Variants in RNMT observed in about 807,000 individuals in gnomAD.
RNMT encodes mRNA cap guanine-N(7) methyltransferase.
Under a neutral mutation model 56.0 loss-of-function variants are expected in RNMT, and 27 were observed. The observed-to-expected ratio is 0.48, with a 90% confidence interval of 0.36 to 0.67. The LOEUF is 0.67. RNMT is among the 30% of genes least tolerant of loss of function. The pLI, the probability that RNMT is intolerant of heterozygous loss-of-function variation, is 0.00. For synonymous variants in RNMT, 184 were observed against 176.2 expected, an observed-to-expected ratio of 1.04 and a Z score of -0.35; for missense variants, 519 against 552.1, an observed-to-expected ratio of 0.94 and a Z score of 0.60.
chr18:13,762,168 A>G lies in RNMT; in HGVS notation c.*2189A>G. ...ATGCAGTTTATCCTCTGAGAATGGA[A>G]TTGGAAATGAAGACCTAACCAGCTA... On this transcript the variant is annotated 3_prime_UTR_variant, in exon 12 of 12. Transcript: ENST00000383314. The G allele has an allele frequency of 1.3e-6, 2 of 1,526,012 alleles. No homozygotes were observed. Among genetic ancestry groups the G allele is most frequent in the Non-Finnish European group, 1.8e-6 (2 of 1,142,254 alleles). The allele number at this position is 1,526,012 out of a possible 1,614,324, so 94.5% of individuals were successfully genotyped here.
Position 13,762,205 on chromosome 18 carries a change from G to A in RNMT, c.*2226G>A. 2 of 1,491,648 alleles carry A rather than the reference G, an allele frequency of 1.3e-6. No homozygotes were observed. 92.4% of individuals were successfully genotyped at this position (1,491,648 alleles called of 1,614,324 possible). On this transcript the variant is annotated 3_prime_UTR_variant, in exon 12 of 12. Coordinates refer to ENST00000383314, the MANE Select transcript of RNMT (RefSeq NM_003799.3). The stretch of plus-strand genomic sequence containing the variant: ...GACCTAACCAGCTATTGGTGGGAAT[G>A]ACGGAACTGGGGATTGCGATGATTG...
chr18:13,727,196 C>T (rs2149076388), intron 1 of RNMT, among the ~76,000 whole-genome samples: 1 of 152,374 alleles, frequency 6.6e-6, no homozygotes, highest in African/African-American at 2.4e-5. Context: ...GGACTTAGAG[C>T]TTATCCCGCT....
At chr18:13,727,498 T>C (rs1193950355) in intron 1 of RNMT, among the ~76,000 whole-genome samples, 1 of 152,236 alleles carries the variant, frequency 6.6e-6, no homozygotes, top group East Asian at 1.9e-4. Context: ...GTTGCACATA[T>C]TTGCAGGTGC....
At chr18:13,734,321 T>G in intron 3 of RNMT, 143 bp from the exon 4 acceptor site, 1 of 657,416 alleles carries the variant, frequency 1.5e-6, no homozygotes, top group Non-Finnish European at 2.5e-6. Flanking sequence ...TGATAATTAG[T>G]GAGACTTCTG....
chr18:13,732,035 T>A (rs1257332954), intron 3 of RNMT, 101 bp downstream of exon 3: 2 of 958,002 alleles, frequency 2.1e-6, no homozygotes, highest in South Asian at 2.0e-5. Flanking sequence ...AGCTTAAGAA[T>A]GTTCTATTTT....
Position 13,760,471 on chromosome 18 carries a change from T to G in RNMT, c.*492T>G. The G allele has an allele frequency of 4.1e-6, 4 of 985,698 alleles. No homozygotes were observed. The highest frequency in any genetic ancestry group is 4.8e-6 in the Non-Finnish European group (4 of 829,762). 61.1% of individuals were successfully genotyped at this position (985,698 alleles called of 1,614,324 possible). A position where few individuals can be genotyped will look rare whatever the true frequency, so the allele number is the denominator to read the frequency against. On this transcript the variant is annotated 3_prime_UTR_variant, in exon 12 of 12. Coordinates refer to ENST00000383314, the MANE Select transcript of RNMT (RefSeq NM_003799.3). ...TGTTCAATATGTATTGCTGAAGTTA[T>G]AAGTTTAAAACTCAATTTCAGATGC...
intron 11 of RNMT, among the ~76,000 whole-genome samples, chr18:13,756,457 A>G (rs1194797152): frequency 2.6e-5 from 4 of 152,052 alleles, no homozygotes; most frequent in African/African-American, 9.7e-5. Flanking sequence ...GGGCTGCACA[A>G]AGGTCACACA....
In RNMT at chr18:13,740,201, G is replaced by T; in HGVS notation, c.714G>T (p.Gln238His). The change falls in exon 6 of 12, where the codon CAG becomes CAT. Residue 238 changes from glutamine (Q) to histidine (H), a missense_variant. Coordinates refer to ENST00000383314, the MANE Select transcript of RNMT (RefSeq NM_003799.3). ...ATGTTTCTGTCAAACAGTGTCAGCA[G>T]CGGTATGAGGACATGAAAAATCGTC... ...IADVSVKQCQ[Q>H]RYEDMKNRRD... 6.2e-7 allele frequency: 1 copy of T among 1,612,910 alleles called. No individual in the cohort carries two copies.
chr18:13,749,525 T>C (rs145993602), intron 9 of RNMT, among the ~76,000 whole-genome samples: 93 of 152,380 alleles, frequency 6.1e-4, no homozygotes, highest in African/African-American at 2.1e-3. Flanking sequence ...CAGATATTCA[T>C]AGATCATTTT....
intron 1 of RNMT, among the ~76,000 whole-genome samples, chr18:13,727,176 G>T (rs1235621260): frequency 2.6e-5 from 4 of 152,250 alleles, no homozygotes; most frequent in Non-Finnish European, 5.9e-5. Context: ...AGGGTCAAGC[G>T]GGCGGGTCGG....
chr18:13,737,236 G>C, intron 5 of RNMT, 101 bp downstream of exon 5: 2 of 1,091,680 alleles, frequency 1.8e-6, no homozygotes, highest in Non-Finnish European at 2.6e-6. Flanking sequence ...CTATGCATGA[G>C]ATGGGTTTTT....
intron 6 of RNMT, 66 bp from the exon 7 acceptor site, chr18:13,741,444 T>TA: frequency 1.9e-6 from 2 of 1,079,848 alleles, no homozygotes; most frequent in Non-Finnish European, 2.7e-6. Flanking sequence ...GAAGTTAATT[T>TA]ACTAAAAAGT....
intron 11 of RNMT, among the ~76,000 whole-genome samples, chr18:13,756,920 C>T (rs1407708893): frequency 6.6e-6 from 1 of 152,160 alleles, no homozygotes; most frequent in Middle Eastern, 3.2e-3. Context: ...GATTTGTCAC[C>T]TTTGCAGGTA....
intron 7 of RNMT, among the ~76,000 whole-genome samples, chr18:13,742,112 G>T (rs1375019658): frequency 6.6e-6 from 1 of 152,224 alleles, no homozygotes; most frequent in African/African-American, 2.4e-5. Flanking sequence ...GCCAAGGCAG[G>T]AGGATTGCTT....
intron 3 of RNMT, among the ~76,000 whole-genome samples, chr18:13,732,399 T>A (rs1371225793): frequency 6.6e-6 from 1 of 152,108 alleles, no homozygotes; most frequent in Non-Finnish European, 1.5e-5. Context: ...TTGTCAGAGG[T>A]TATCACTTAA....
chr18:13,741,652 G>C lies in RNMT; in HGVS notation c.935G>C (p.Gly312Ala), dbSNP rs1300690151. ...GCGTGTGAGAGACTTAGCCCTGGGG[G>C]CTATTTTATTGGTACTACTCCCAAT... ...RNACERLSPG[G>A]YFIGTTPNSF... is the part of the protein sequence containing the mutation. Residue 312 changes from glycine to alanine, a missense_variant, in exon 7 of 12, where the codon GGC becomes GCC. Gly to Ala is a moderately conservative substitution (Grantham distance 60, BLOSUM62 0). Coordinates refer to ENST00000383314, the MANE Select transcript of RNMT (RefSeq NM_003799.3). 6.2e-7 allele frequency: 1 copy of C among 1,613,466 alleles called. No individual in the cohort carries two copies. The highest frequency in any genetic ancestry group is 1.1e-5 in the South Asian group (1 of 90,942).
At position 13,760,398 on chromosome 18, in the gene RNMT, TTA is replaced by T. The variant is rs1339715808; in HGVS notation, c.*424_*425del. The T allele has an allele frequency of 1.0e-6, 1 of 989,960 alleles. No homozygotes were observed. Among genetic ancestry groups the T allele is most frequent in the Non-Finnish European group, 1.2e-6 (1 of 832,574 alleles). The allele number at this position is 989,960 out of a possible 1,614,324, so 61.3% of individuals were successfully genotyped here. A position where few individuals can be genotyped will look rare whatever the true frequency, so the allele number is the denominator to read the frequency against. On this transcript the variant is annotated 3_prime_UTR_variant, in exon 12 of 12. Transcript: ENST00000383314. Reference sequence around the variant, plus strand: ...TAGTGTGCTCATTTCTATGGTTTTGTTATATAGCATTTTTCAACATTTAATGG... The same window carrying T: ...TAGTGTGCTCATTTCTATGGTTTTGTTATAGCATTTTTCAACATTTAATGG...
chr18:13,754,071 C>T, intron 10 of RNMT, 43 bp from the exon 11 acceptor site: 1 of 1,115,618 alleles, frequency 9.0e-7, no homozygotes, highest in East Asian at 2.4e-5. Context: ...TGTTTACTTC[C>T]ATATTGAATC....
intron 4 of RNMT, 31 bp from the exon 5 acceptor site, chr18:13,736,979 T>TA (rs1292297330): frequency 1.9e-6 from 3 of 1,591,910 alleles, no homozygotes; most frequent in Non-Finnish European, 2.6e-6. Context: ...GAAGAAGAGG[T>TA]AGTTTATTGT....
Sources: allele counts gnomAD v4.1 joint callset (sites outside exome capture counted in the v4.1 genomes callset), GRCh38; gene constraint gnomAD v4.1.1; transcripts MANE v1.5; gene names NCBI Gene and HGNC (gene_info 2026-07-23, HGNC 2026-07-21).